Variants in DOCK4 observed in about 807,000 individuals in gnomAD.
DOCK4 encodes dedicator of cytokinesis protein 4.
A neutral mutation model predicts 268.1 loss-of-function variants in DOCK4; 97 were observed. The ratio of observed to expected loss-of-function variants is 0.36; its 90% CI spans 0.31 to 0.43. DOCK4 has a LOEUF of 0.43. Ranked by LOEUF, DOCK4 falls within the 20% of genes least tolerant of loss-of-function variation. The pLI, the probability that DOCK4 is intolerant of heterozygous loss-of-function variation, is 1.00. For synonymous variants in DOCK4, 954 were observed against 887.2 expected (o/e 1.08, Z -1.34); for missense variants, 2,145 against 2,455.7 (o/e 0.87, Z 2.67).
At chr7:111,728,866 G>A in intron 52 of DOCK4, 146 bp from the exon 53 acceptor site, 1 of 734,946 alleles carries the variant, frequency 1.4e-6, no homozygotes, top group Non-Finnish European at 2.2e-6. Flanking sequence ...TTAAGGAGGT[G>A]ATTAAGGTAA....
intron 1 of DOCK4, among the ~76,000 whole-genome samples, chr7:112,198,400 T>C (rs930225990): frequency 3.9e-5 from 6 of 152,216 alleles, no homozygotes; most frequent in African/African-American, 1.4e-4. Context: ...AACTATCCAG[T>C]CTATATTTGT....
At position 111,911,743 on chromosome 7, in the gene DOCK4, A is replaced by G. The variant is rs533843061; in HGVS notation, c.1192+4036T>C. Among the ~76,000 whole-genome samples, 97 of 152,246 alleles carry G rather than the reference A, an allele frequency of 6.4e-4. 1 individual carries two copies. The highest frequency in any genetic ancestry group is 2.2e-3 in the African/African-American group (90 of 41,548). On this transcript the variant is annotated intron_variant, in intron 13 of 52. Transcript: ENST00000428084. Reference sequence around the variant, plus strand: ...TTGCTTTATATTTTTCAATTTCTCCATGATACTGCCCAGAGACCAAGCTGA... The same window carrying G: ...TTGCTTTATATTTTTCAATTTCTCCGTGATACTGCCCAGAGACCAAGCTGA...
intron 23 of DOCK4, among the ~76,000 whole-genome samples, chr7:111,849,294 G>C (rs1298707360): frequency 1.6e-5 from 2 of 128,710 alleles, no homozygotes; most frequent in East Asian, 4.4e-4. Context: ...ACGGAGTCTT[G>C]CTCTGTTGCC....
chr7:112,124,660 A>G (rs1813053322), intron 1 of DOCK4, among the ~76,000 whole-genome samples: 1 of 152,210 alleles, frequency 6.6e-6, no homozygotes, highest in South Asian at 2.1e-4. Flanking sequence ...TAACATAATT[A>G]ACTGCTTCAT....
intron 32 of DOCK4, 48 bp downstream of exon 32, chr7:111,788,614 A>T (rs1409843251): frequency 1.3e-6 from 2 of 1,499,224 alleles, no homozygotes; most frequent in South Asian, 1.2e-5. Context: ...CAGTACTGAC[A>T]CCAAATCCCC....
At chr7:111,905,811 A>C (rs1791522185) in intron 13 of DOCK4, among the ~76,000 whole-genome samples, 1 of 152,102 alleles carries the variant, frequency 6.6e-6, no homozygotes, top group Non-Finnish European at 1.5e-5. Flanking sequence ...AAAAAAGAAA[A>C]TGTGTAAATG....
chr7:112,170,729 A>C (rs1015688050), intron 1 of DOCK4, among the ~76,000 whole-genome samples: 9 of 152,218 alleles, frequency 5.9e-5, no homozygotes, highest in African/African-American at 2.2e-4. Context: ...AAAACTTGAC[A>C]TAGTACTTAA....
At position 111,728,088 on chromosome 7, in the gene DOCK4, A is replaced by C; in HGVS notation, c.*186T>G. The C allele has an allele frequency of 2.3e-6, 1 of 428,250 alleles. No homozygotes were observed. The highest frequency in any genetic ancestry group is 3.5e-5 in the East Asian group (1 of 28,354). The allele number at this position is 428,250 out of a possible 1,614,324, so 26.5% of individuals were successfully genotyped here. A position where few individuals can be genotyped will look rare whatever the true frequency, so the allele number is the denominator to read the frequency against. On this transcript the variant is annotated 3_prime_UTR_variant, in exon 53 of 53. Transcript: ENST00000428084. ...AATGAAATTCAGCCATACTTCATTT[A>C]ACATCTGGCGTTTTAGATCAGCAAC... is the stretch of plus-strand genomic sequence containing the variant.
At chr7:111,903,925 A>G (rs538125162) in intron 13 of DOCK4, among the ~76,000 whole-genome samples, 1 of 152,386 alleles carries the variant, frequency 6.6e-6, no homozygotes, top group South Asian at 2.1e-4. Flanking sequence ...AATGGGAAGT[A>G]TAGCTACAGG....
chr7:112,029,252 CAATT>C (rs1264089241), intron 1 of DOCK4, among the ~76,000 whole-genome samples: 1 of 152,174 alleles, frequency 6.6e-6, no homozygotes, highest in Non-Finnish European at 1.5e-5. Context: ...AACAAAATCT[CAATT>C]AAACCTTCCG....
chr7:112,073,936 G>C (rs967555430), intron 1 of DOCK4, among the ~76,000 whole-genome samples: 1 of 151,940 alleles, frequency 6.6e-6, no homozygotes, highest in Non-Finnish European at 1.5e-5. Flanking sequence ...TAATTACCCC[G>C]ATTTATCATT....
Position 111,730,938 on chromosome 7 carries a change from G to GACTT in DOCK4, c.5481+1284_5481+1287dup, listed in dbSNP as rs1337510201. Among the ~76,000 whole-genome samples, 3 of 152,144 alleles carry GACTT rather than the reference G, an allele frequency of 2.0e-5. No homozygotes were observed. In the East Asian group the frequency reaches 5.8e-4, roughly 29 times the overall value. On this transcript the variant is annotated intron_variant, in intron 52 of 52. Coordinates refer to ENST00000428084, the MANE Select transcript of DOCK4 (RefSeq NM_001363540.2). ...TAATGTTTAAGAATTAATCTCTTAA[G>GACTT]ACTTATTTTCTTACTACCCAACAAA...
intron 13 of DOCK4, among the ~76,000 whole-genome samples, chr7:111,914,149 G>A (rs1258769399): frequency 1.3e-5 from 2 of 151,918 alleles, no homozygotes; most frequent in East Asian, 3.9e-4. Flanking sequence ...AACTCCTTTC[G>A]GGTTACAGCG....
At chr7:112,196,419 T>C (rs1262201559) in intron 1 of DOCK4, among the ~76,000 whole-genome samples, 7 of 152,184 alleles carry the variant, frequency 4.6e-5, no homozygotes, top group African/African-American at 1.7e-4. Context: ...ACAAAATCAC[T>C]GTCCTTATGA....
intron 38 of DOCK4, 125 bp downstream of exon 38, chr7:111,766,907 G>T: frequency 3.0e-6 from 2 of 668,588 alleles, no homozygotes; most frequent in Non-Finnish European, 5.2e-6. Context: ...AGCTAAGTAT[G>T]CTTCAGAGGA....
In DOCK4 at chr7:111,743,087, CTT is replaced by C. The variant is rs147128568; in HGVS notation, c.4678-957_4678-956del. ...GAGAGAGCAGGTCCTACTTAAAAAA[CTT>C]TCCTGCAGTGAGGATCCGAAGAGAT... On this transcript the variant is annotated intron_variant, in intron 44 of 52. Coordinates refer to ENST00000428084, the MANE Select transcript of DOCK4 (RefSeq NM_001363540.2). 9.7e-3 allele frequency among the ~76,000 whole-genome samples: 1,482 copies of C among 152,302 alleles called. 32 individuals carry two copies. Among genetic ancestry groups the C allele is most frequent in the African/African-American group, 0.034 (1,411 of 41,560 alleles).
chr7:112,158,486 T>C (rs1276884146), intron 1 of DOCK4, among the ~76,000 whole-genome samples: 2 of 152,210 alleles, frequency 1.3e-5, no homozygotes, highest in African/African-American at 4.8e-5. Flanking sequence ...ACAATGAATT[T>C]TGATCAAATA....
intron 30 of DOCK4, 93 bp downstream of exon 30, chr7:111,808,728 G>A: frequency 7.9e-7 from 1 of 1,270,094 alleles, no homozygotes; most frequent in Non-Finnish European, 1.1e-6. Context: ...GGTTTCACAT[G>A]GTGTCACTGG....
rs759383031 is a variant in DOCK4 at position 111,755,506 on chromosome 7, G to A, written c.4416+9C>T. ...GAGAAAGTGCTTGAGAACAAGCTCT[G>A]ATCCTTACCACTTCACGCTTTTCCA... On this transcript the variant is annotated intron_variant, in intron 42 of 52. Transcript: ENST00000428084. 1.2e-6 allele frequency: 2 copies of A among 1,613,574 alleles called. No homozygotes were observed. The highest frequency in any genetic ancestry group is 2.2e-5 in the South Asian group (2 of 91,062).
Sources: allele counts gnomAD v4.1 joint callset (sites outside exome capture counted in the v4.1 genomes callset), GRCh38; gene constraint gnomAD v4.1.1; transcripts MANE v1.5; gene names NCBI Gene and HGNC (gene_info 2026-07-23, HGNC 2026-07-21).